Variants in C2CD3 observed in about 807,000 individuals in gnomAD.
C2CD3 encodes C2 domain containing 3 centriole elongation regulator.
A neutral mutation model predicts 234.0 loss-of-function variants in C2CD3; 148 were observed. The observed-to-expected ratio is 0.63, with a 90% CI of 0.55 to 0.72. C2CD3 has a LOEUF of 0.72. Ranked by LOEUF, C2CD3 falls within the 30% of genes least tolerant of loss-of-function variation. The pLI is 0.00. For missense variants in C2CD3, 2,577 were observed against 2,811.5 expected (o/e 0.92, Z 1.89); for synonymous variants, 1,000 against 1,035.4 (o/e 0.97, Z 0.66).
chr11:74,071,189 C>T (rs377215902), intron 24 of C2CD3, among the ~76,000 whole-genome samples: 3 of 152,306 alleles, frequency 2.0e-5, no homozygotes, highest in African/African-American at 4.8e-5. Context: ...ACATAATGTC[C>T]TCCTGTTTTA....
intron 3 of C2CD3, among the ~76,000 whole-genome samples, chr11:74,151,587 A>G (rs1013267754): frequency 5.9e-5 from 9 of 152,170 alleles, no homozygotes; most frequent in Non-Finnish European, 1.3e-4. Flanking sequence ...TTGGCCTCCC[A>G]AAGTGCTAGG....
At chr11:74,024,512 A>C (rs954404244) in intron 32 of C2CD3, among the ~76,000 whole-genome samples, 7 of 152,194 alleles carry the variant, frequency 4.6e-5, no homozygotes, top group Non-Finnish European at 1.0e-4. Context: ...TTTTTGTCTC[A>C]AGTTCTTCAA....
chr11:74,043,251 T>C (rs1953162414), intron 28 of C2CD3, among the ~76,000 whole-genome samples: 1 of 152,264 alleles, frequency 6.6e-6, no homozygotes, highest in African/African-American at 2.4e-5. Context: ...TATGTGTTTT[T>C]TGGTGACTGG....
chr11:74,036,487 GGAA>G (rs1180468930), intron 30 of C2CD3: 3 of 455,914 alleles, frequency 6.6e-6, no homozygotes, highest in African/African-American at 2.0e-5. Context: ...TTAGGTATCT[GGAA>G]GAAGAAGACA....
At chr11:74,054,714 T>C in intron 25 of C2CD3, 43 bp from the exon 26 acceptor site, 1 of 1,326,360 alleles carries the variant, frequency 7.5e-7, no homozygotes, top group African/African-American at 1.5e-5. Context: ...GTATAGGAAC[T>C]TTCTGTAGTA....
chr11:74,015,236 C>T (rs1951837192), intron 32 of C2CD3, among the ~76,000 whole-genome samples: 1 of 152,184 alleles, frequency 6.6e-6, no homozygotes, highest in Admixed American at 6.5e-5. Context: ...AGCTGCTAGA[C>T]CAGTGTGGGT....
Position 74,109,097 on chromosome 11 carries a change from T to A in C2CD3, c.1899A>T (p.Ile633=). The A allele has an allele frequency of 3.1e-6, 5 of 1,604,070 alleles. No individual in the cohort carries two copies. The highest frequency in any genetic ancestry group is 4.3e-6 in the Non-Finnish European group (5 of 1,176,336). The part of the protein sequence containing the change: ...VFPVQFGGPM[I]EHWWNSNLTF... ...TGAGGTTGGAATTCCACCAGTGCTC[T>A]ATCATTGGGCCACCAAACTGTACTG... Residue 633 remains isoleucine (I), a synonymous_variant, in exon 12 of 33, where the codon ATA becomes ATT. Transcript: ENST00000334126.
chr11:74,122,583 G>A (rs1957255003), intron 8 of C2CD3, among the ~76,000 whole-genome samples: 1 of 152,178 alleles, frequency 6.6e-6, no homozygotes, highest in Non-Finnish European at 1.5e-5. Flanking sequence ...TGTCTTACAG[G>A]CCAGAAGAGT....
At position 74,118,365 on chromosome 11, in the gene C2CD3, G is replaced by A. The variant is rs1286369549; in HGVS notation, c.1383C>T (p.Ile461=). ...CATCCTCTTCACTGAGGAAATCACT[G>A]ATGCTGGTATCAGATTTCTATGGAG... is the stretch of plus-strand genomic sequence containing the variant. ...FYTAPKSDTS[I]SDFLSEEDDI... is the part of the protein sequence containing the mutation. Residue 461 remains isoleucine (I), a synonymous_variant, in exon 9 of 33, where the codon ATC becomes ATT. Transcript: ENST00000334126. The A allele has an allele frequency of 1.2e-6, 2 of 1,612,996 alleles. No homozygotes were observed. The highest frequency in any genetic ancestry group is 2.2e-5 in the South Asian group (2 of 91,000).
intron 9 of C2CD3, among the ~76,000 whole-genome samples, chr11:74,117,173 TATATATATATGA>T (rs1565313775): frequency 7.2e-4 from 10 of 13,976 alleles, no homozygotes; most frequent in African/African-American, 3.7e-3. Flanking sequence ...TATATATGAA[TATATATATATGA>T]ATATATATAT....
intron 24 of C2CD3, among the ~76,000 whole-genome samples, chr11:74,066,844 CAA>C (rs1219870444): frequency 6.6e-6 from 1 of 152,100 alleles, no homozygotes; most frequent in African/African-American, 2.4e-5. Flanking sequence ...ACCAAAGTAA[CAA>C]TGATTCAGAG....
intron 29 of C2CD3, 103 bp from the exon 30 acceptor site, chr11:74,037,801 C>A (rs1952814140): frequency 1.2e-6 from 1 of 826,194 alleles, no homozygotes; most frequent in East Asian, 2.7e-5. Context: ...AGCCTTAATA[C>A]CTCTCACTTG....
intron 28 of C2CD3, among the ~76,000 whole-genome samples, chr11:74,047,321 C>G (rs960295639): frequency 6.6e-6 from 1 of 152,216 alleles, no homozygotes; most frequent in African/African-American, 2.4e-5. Context: ...AGCCATTAAC[C>G]TTTTAGCTTT....
At chr11:74,136,523 C>T (rs537855875) in intron 5 of C2CD3, among the ~76,000 whole-genome samples, 2 of 152,230 alleles carry the variant, frequency 1.3e-5, no homozygotes, top group African/African-American at 4.8e-5. Flanking sequence ...GAGAGCTGCC[C>T]CCTTTGATAG....
At chr11:74,148,539 T>G (rs540599344) in intron 3 of C2CD3, among the ~76,000 whole-genome samples, 2 of 152,190 alleles carry the variant, frequency 1.3e-5, no homozygotes, top group Non-Finnish European at 2.9e-5. Flanking sequence ...TTCAAAAGTC[T>G]GAATATATTT....
At chr11:74,161,976 G>C (rs1336729128) in intron 2 of C2CD3, among the ~76,000 whole-genome samples, 1 of 151,878 alleles carries the variant, frequency 6.6e-6, no homozygotes, top group Non-Finnish European at 1.5e-5. Context: ...CCACCACACT[G>C]GGGTAATTTT....
Position 74,034,183 on chromosome 11 carries a change from C to T in C2CD3, c.5977G>A (p.Asp1993Asn), listed in dbSNP as rs537893955. The change falls in exon 31 of 33, where the codon GAC becomes AAC. Residue 1993 changes from aspartate to asparagine, a missense_variant. Asp to Asn is a conservative substitution (Grantham distance 23). Coordinates refer to ENST00000334126, the MANE Select transcript of C2CD3 (RefSeq NM_001286577.2). ...NKATTLPDAQ[D>N]TEALQERCTM... ...CATCGTTCTTGCAGTGCTTCTGTGTCCTGAGCATCTGGGAGGGTGGTGGCC... is the reference window on the plus strand; with the variant it reads ...CATCGTTCTTGCAGTGCTTCTGTGTTCTGAGCATCTGGGAGGGTGGTGGCC... 5 of 1,536,110 alleles carry T rather than the reference C, an allele frequency of 3.3e-6. No homozygotes were observed. The highest frequency in any genetic ancestry group is 2.0e-5 in the Admixed American group (1 of 50,976).
intron 24 of C2CD3, among the ~76,000 whole-genome samples, chr11:74,071,175 G>C (rs1954771532): frequency 6.6e-6 from 1 of 152,232 alleles, no homozygotes; most frequent in Non-Finnish European, 1.5e-5. Flanking sequence ...ATGCAGCAAA[G>C]CAAACATAAT....
chr11:74,112,251 GAACT>G (rs1328522612), intron 11 of C2CD3, among the ~76,000 whole-genome samples: 2 of 152,078 alleles, frequency 1.3e-5, no homozygotes, highest in Non-Finnish European at 2.9e-5. Context: ...TAACACTGAT[GAACT>G]AACTATTCAT....
Sources: gnomAD v4.1 joint callset for allele counts (sites outside exome capture counted in the v4.1 genomes callset) on GRCh38, gnomAD v4.1.1 for gene constraint, MANE v1.5 for transcripts, NCBI Gene and HGNC (gene_info 2026-07-23, HGNC 2026-07-21) for gene names.